The following HIVEP3 variants were observed in gnomAD, a reference collection of about 807,000 sequenced individuals.
HIVEP3 encodes the protein transcription factor HIVEP3.
In HIVEP3, 49 loss-of-function variants were observed where a neutral mutation model predicts 152.8. The observed-to-expected ratio is 0.32, with a 90% CI of 0.26 to 0.41. The LOEUF (loss-of-function observed/expected upper bound fraction) is 0.41, where lower values mean the gene tolerates loss of function less well. Ranked by LOEUF, HIVEP3 falls within the 10% of genes least tolerant of loss-of-function variation. The pLI is 1.00. For missense variants in HIVEP3, 2,790 were observed against 3,103.3 expected, an observed-to-expected ratio of 0.90 and a Z score of 2.40; for synonymous variants, 1,269 against 1,289.0, an observed-to-expected ratio of 0.98 and a Z score of 0.33.
chr1:41,984,126 T>C (rs1645309244), intron 1 of HIVEP3, among the ~76,000 whole-genome samples: 1 of 152,206 alleles, frequency 6.6e-6, no homozygotes, highest in Admixed American at 6.5e-5. Context: ...AATTATGCAC[T>C]TAGCTAATTT....
intron 5 of HIVEP3, among the ~76,000 whole-genome samples, chr1:41,560,839 C>T (rs1369671541): frequency 6.6e-6 from 1 of 152,212 alleles, no homozygotes; most frequent in African/African-American, 2.4e-5. Context: ...GCAGGTGTTC[C>T]AGCAAGCTGA....
chr1:42,003,233 C>T lies in HIVEP3; in HGVS notation n.119+32574G>A, dbSNP rs7547347. On this transcript the variant is annotated intron_variant and non_coding_transcript_variant, in intron 1 of 3. Transcript: ENST00000489103. Reference sequence around the variant, plus strand: ...CTGGGAATGCAGGTGTGCACCACCACGCTCAGCTAATTTTTGTATTTTTAG... The same window carrying T: ...CTGGGAATGCAGGTGTGCACCACCATGCTCAGCTAATTTTTGTATTTTTAG... 5.7e-3 allele frequency among the ~76,000 whole-genome samples: 871 copies of T among 152,086 alleles called. 4 individuals carry two copies. The highest frequency in any genetic ancestry group is 0.019 in the South Asian group (91 of 4,812).
intron 1 of HIVEP3, among the ~76,000 whole-genome samples, chr1:41,738,966 C>T (rs571605693): frequency 2.3e-4 from 35 of 152,362 alleles, no homozygotes; most frequent in Non-Finnish European, 4.3e-4. Flanking sequence ...CAACATTTCA[C>T]GTAGTTTCTG....
chr1:41,845,742 T>A (rs1643426146), intron 1 of HIVEP3, among the ~76,000 whole-genome samples: 1 of 152,168 alleles, frequency 6.6e-6, no homozygotes, highest in Non-Finnish European at 1.5e-5. Flanking sequence ...ACTATATGAA[T>A]GTAATTACCT....
At chr1:41,643,462 C>A (rs182732155) in intron 2 of HIVEP3, among the ~76,000 whole-genome samples, 2 of 152,228 alleles carry the variant, frequency 1.3e-5, no homozygotes, top group Non-Finnish European at 2.9e-5. Flanking sequence ...GCTGAACAGA[C>A]GAGTGCATGA....
chr1:41,826,489 C>T (rs1349581720), intron 1 of HIVEP3, among the ~76,000 whole-genome samples: 1 of 152,212 alleles, frequency 6.6e-6, no homozygotes, highest in Non-Finnish European at 1.5e-5. Flanking sequence ...TCTCAGCTCA[C>T]TGCAACCTCT....
intron 1 of HIVEP3, among the ~76,000 whole-genome samples, chr1:41,932,948 G>A (rs1040582159): frequency 9.2e-5 from 14 of 151,660 alleles, no homozygotes; most frequent in Non-Finnish European, 1.3e-4. Context: ...ATTTAGATAT[G>A]TGTTGTTTCA....
chr1:42,000,551 A>G (rs1383184083), intron 1 of HIVEP3, among the ~76,000 whole-genome samples: 2 of 152,192 alleles, frequency 1.3e-5, no homozygotes, highest in African/African-American at 4.8e-5. Context: ...CATGACAGCT[A>G]TAACTAGCAC....
At chr1:41,524,536 G>C (rs1019417659) in intron 6 of HIVEP3, among the ~76,000 whole-genome samples, 199 bp downstream of exon 6, 4 of 152,146 alleles carry the variant, frequency 2.6e-5, no homozygotes, top group Non-Finnish European at 5.9e-5. Context: ...AGGATGGCTG[G>C]GGGCAGCCAT....
chr1:41,549,128 G>T (rs752067735), intron 5 of HIVEP3, among the ~76,000 whole-genome samples: 1 of 150,852 alleles, frequency 6.6e-6, no homozygotes, highest in Non-Finnish European at 1.5e-5. Flanking sequence ...GCGGTATTTC[G>T]TTCTCTGTCC....
chr1:41,674,229 A>G (rs921365387), intron 2 of HIVEP3, among the ~76,000 whole-genome samples: 1 of 152,260 alleles, frequency 6.6e-6, no homozygotes, highest in Non-Finnish European at 1.5e-5. Flanking sequence ...TGTTTGTTAA[A>G]TGATCATTAA....
At chr1:41,752,517 G>A (rs931617457) in intron 1 of HIVEP3, among the ~76,000 whole-genome samples, 1 of 152,228 alleles carries the variant, frequency 6.6e-6, no homozygotes, top group African/African-American at 2.4e-5. Flanking sequence ...AGCCTAGGGG[G>A]CTGAGGGAAA....
At chr1:41,545,193 AC>A (rs372585191) in intron 5 of HIVEP3, among the ~76,000 whole-genome samples, 1,931 of 135,108 alleles carry the variant, frequency 0.014, 78 homozygotes, top group African/African-American at 0.056. Context: ...CATCACCAAC[AC>A]CACCACCACC....
rs369654084 is a variant in HIVEP3 at position 41,582,176 on chromosome 1, G to T, written c.2622C>A (p.Pro874=). The T allele has an allele frequency of 2.5e-6, 4 of 1,613,936 alleles. No homozygotes were observed. The South Asian group carries it at 4.4e-5, about 18-fold the overall frequency. The part of the protein sequence containing the change: ...PDRPDTEPEP[P]PKEPEKTEEF... ...CCTCAGTCTTCTCAGGTTCCTTAGG[G>T]GGCGGCTCTGGCTCTGTGTCCGGCC... Residue 874 remains proline (P), a synonymous_variant, in exon 4 of 9, where the codon CCC becomes CCA. Coordinates refer to ENST00000372583, the MANE Select transcript of HIVEP3 (RefSeq NM_024503.5). This position sits in a 1 kb window ranked among gnomAD's most constrained non-coding sequence, Gnocchi z 4.7.
chr1:41,967,351 T>G (rs892084445), intron 1 of HIVEP3, among the ~76,000 whole-genome samples: 1 of 152,086 alleles, frequency 6.6e-6, no homozygotes, highest in East Asian at 1.9e-4. Context: ...GCAAACAATC[T>G]CTCAGATCAT....
At chr1:41,623,692 G>A (rs1216245239) in intron 3 of HIVEP3, among the ~76,000 whole-genome samples, 1 of 152,172 alleles carries the variant, frequency 6.6e-6, no homozygotes, top group Non-Finnish European at 1.5e-5. Context: ...TAAGGCCAAT[G>A]TGCAATCCCA....
intron 1 of HIVEP3, among the ~76,000 whole-genome samples, chr1:41,757,693 T>TTGTATTTATTTATTTA (rs1553256882): frequency 9.7e-5 from 6 of 61,784 alleles, no homozygotes; most frequent in Non-Finnish European, 2.7e-4. Flanking sequence ...ATTTTCTACT[T>TTGTATTTATTTATTTA]TGTATTTATT....
chr1:41,696,548 C>T (rs1558187852), intron 2 of HIVEP3, among the ~76,000 whole-genome samples: 1 of 152,218 alleles, frequency 6.6e-6, no homozygotes, highest in Non-Finnish European at 1.5e-5. Flanking sequence ...CAGATGTGCA[C>T]CCGCCAGACA....
At position 41,695,491 on chromosome 1, in the gene HIVEP3, G is replaced by A. The variant is rs868831006; in HGVS notation, c.-721+5425C>T. 2.0e-5 allele frequency among the ~76,000 whole-genome samples: 3 copies of A among 152,326 alleles called. No homozygotes were observed. In the South Asian group the frequency reaches 6.2e-4, roughly 32 times the overall value. On this transcript the variant is annotated intron_variant, in intron 2 of 8. Coordinates refer to ENST00000372583, the MANE Select transcript of HIVEP3 (RefSeq NM_024503.5). ...TGCCTGGCCCAGTGTAGGCCCCAGG[G>A]ACATGGGGATGAGCAGCCTACAAGC... is the stretch of plus-strand genomic sequence containing the variant.
Sources: gnomAD v4.1 joint callset for allele counts (sites outside exome capture counted in the v4.1 genomes callset) on GRCh38, gnomAD v4.1.1 for gene constraint, Gnocchi (gnomAD v3.1) non-coding constraint, MANE v1.5 for transcripts, NCBI Gene and HGNC (gene_info 2026-07-23, HGNC 2026-07-21) for gene names.